Variants in PXDNL observed in about 807,000 individuals in gnomAD.
PXDNL encodes the protein peroxidasin like, also known as probable oxidoreductase PXDNL.
In PXDNL, 145 loss-of-function variants were observed where a neutral mutation model predicts 150.8. The observed-to-expected ratio is 0.96, with a 90% CI of 0.84 to 1.10. The LOEUF is 1.10. Among genes scored for constraint, PXDNL ranks in the 50% least tolerant of loss-of-function variants. PXDNL has a pLI of 0.00. For missense variants in PXDNL, 2,087 were observed against 1,873.9 expected (o/e 1.11, Z -2.10); for synonymous variants, 757 against 725.7 (o/e 1.04, Z -0.69).
At chr8:51,538,147 C>T (rs527704329) in intron 4 of PXDNL, among the ~76,000 whole-genome samples, 48 of 152,298 alleles carry the variant, frequency 3.2e-4, no homozygotes, top group African/African-American at 9.4e-4. Context: ...CTCCAGCCCT[C>T]GTATCCCTGA....
At chr8:51,526,083 G>T (rs906931816) in intron 4 of PXDNL, among the ~76,000 whole-genome samples, 4 of 152,140 alleles carry the variant, frequency 2.6e-5, no homozygotes, top group Non-Finnish European at 5.9e-5. Flanking sequence ...TCACTGAAAT[G>T]CCATCATTTT....
intron 17 of PXDNL, among the ~76,000 whole-genome samples, chr8:51,394,422 T>C (rs1015409243): frequency 6.6e-6 from 1 of 152,200 alleles, no homozygotes; most frequent in African/African-American, 2.4e-5. Flanking sequence ...ATTATAACTC[T>C]GAAGAGGAAC....
At position 51,727,114 on chromosome 8, in the gene PXDNL, C is replaced by A. The variant is rs148193034; in HGVS notation, c.165-72354G>T. Among the ~76,000 whole-genome samples, 547 of 152,162 alleles carry A rather than the reference C, an allele frequency of 3.6e-3. 5 individuals carry two copies. Among genetic ancestry groups the A allele is most frequent in the African/African-American group, 0.013 (519 of 41,488 alleles). ...ATACAAATTGGAAGAAATGTTTTGC[C>A]TCAAGAAATAAATTGTTCCTGAGAT... On this transcript the variant is annotated intron_variant, in intron 1 of 22. Transcript: ENST00000356297.
rs1418691779 is a variant in PXDNL, at chr8:51,409,533, C to T, written c.2091G>A (p.Pro697=). 6.3e-7 allele frequency: 1 copy of T among 1,599,842 alleles called. No homozygotes were observed. The highest frequency in any genetic ancestry group is 8.5e-7 in the Non-Finnish European group (1 of 1,172,880). ...AATTGGCGATGAGGCTGAGGGAGCG[C>T]GGGGACACCAAGTCATTGTACCGGA... ...KEFRYNDLVS[P]RSLSLIANLS... The change falls in exon 17 of 23, where the codon CCG becomes CCA. Residue 697 remains proline (P), a synonymous_variant. Transcript: ENST00000356297.
intron 4 of PXDNL, among the ~76,000 whole-genome samples, chr8:51,544,474 A>C (rs1047342958): frequency 6.6e-6 from 1 of 152,232 alleles, no homozygotes; most frequent in African/African-American, 2.4e-5. Flanking sequence ...TGATGCTTAA[A>C]GTAACATTTT....
intron 1 of PXDNL, among the ~76,000 whole-genome samples, chr8:51,753,743 A>G (rs1382587917): frequency 6.6e-6 from 1 of 152,254 alleles, no homozygotes; most frequent in Non-Finnish European, 1.5e-5. Flanking sequence ...AACCTTGATG[A>G]GGAAATTATA....
intron 4 of PXDNL, among the ~76,000 whole-genome samples, chr8:51,511,969 T>C (rs956171502): frequency 6.6e-6 from 1 of 152,172 alleles, no homozygotes; most frequent in Non-Finnish European, 1.5e-5. Flanking sequence ...TCAGTTGAAT[T>C]TTTAAAAGCA....
At chr8:51,722,242 G>C (rs1034879173) in intron 1 of PXDNL, 4 of 152,932 alleles carry the variant, frequency 2.6e-5, no homozygotes, top group African/African-American at 9.6e-5. Flanking sequence ...CAGGACATGC[G>C]ACAGGGATGT....
intron 1 of PXDNL, among the ~76,000 whole-genome samples, chr8:51,771,288 GCAAA>G (rs1266117654): frequency 3.3e-5 from 5 of 152,032 alleles, no homozygotes; most frequent in African/African-American, 4.8e-5. Context: ...ACAAACTTCA[GCAAA>G]CAAAGATTAC....
chr8:51,638,542 G>C (rs1814661730), intron 2 of PXDNL, among the ~76,000 whole-genome samples: 1 of 152,152 alleles, frequency 6.6e-6, no homozygotes. Flanking sequence ...AAAGGCAGGG[G>C]TTGCAATCCT....
chr8:51,755,484 G>A (rs1457418163), intron 1 of PXDNL, among the ~76,000 whole-genome samples: 2 of 151,958 alleles, frequency 1.3e-5, no homozygotes, highest in Non-Finnish European at 1.5e-5. Flanking sequence ...TAGTAGAGAT[G>A]GATTTTGCCA....
At chr8:51,628,952 C>T (rs1814428334) in intron 2 of PXDNL, among the ~76,000 whole-genome samples, 1 of 151,940 alleles carries the variant, frequency 6.6e-6, no homozygotes, top group African/African-American at 2.4e-5. Context: ...TTCAAAATAT[C>T]CAAGTTGCAA....
intron 2 of PXDNL, among the ~76,000 whole-genome samples, chr8:51,648,990 A>G (rs1814978951): frequency 6.6e-6 from 1 of 152,228 alleles, no homozygotes; most frequent in Non-Finnish European, 1.5e-5. Context: ...TCCTATTTAT[A>G]TACTTTCCTT....
chr8:51,660,221 T>G lies in PXDNL; in HGVS notation c.165-5461A>C, dbSNP rs77642258. 4.6e-3 allele frequency among the ~76,000 whole-genome samples: 694 copies of G among 152,198 alleles called. 3 individuals carry two copies. Among genetic ancestry groups the G allele is most frequent in the Non-Finnish European group, 7.8e-3 (531 of 68,024 alleles). ...TTAAGATATTAAATAGTGTGCGCAG[T>G]ACAGATGGTGCAGTCCAGTGTAAGT... On this transcript the variant is annotated intron_variant, in intron 1 of 22. Transcript: ENST00000356297.
At chr8:51,374,965 T>G (rs994856592) in intron 17 of PXDNL, among the ~76,000 whole-genome samples, 3 of 152,150 alleles carry the variant, frequency 2.0e-5, no homozygotes, top group Non-Finnish European at 2.9e-5. Flanking sequence ...ACACCAAGCC[T>G]CATGCAATGT....
chr8:51,381,695 C>A (rs994933421), intron 17 of PXDNL, among the ~76,000 whole-genome samples: 7 of 150,892 alleles, frequency 4.6e-5, no homozygotes, highest in African/African-American at 1.5e-4. Context: ...ACTCTGTCGC[C>A]CAGGCTAGAG....
chr8:51,501,063 C>A (rs1332104533), intron 4 of PXDNL, among the ~76,000 whole-genome samples: 1 of 152,158 alleles, frequency 6.6e-6, no homozygotes, highest in African/African-American at 2.4e-5. Flanking sequence ...TTGTTTCAGA[C>A]TGCCTTAGGT....
chr8:51,387,315 A>G (rs983066183), intron 17 of PXDNL, among the ~76,000 whole-genome samples: 2 of 152,208 alleles, frequency 1.3e-5, no homozygotes, highest in African/African-American at 4.8e-5. Context: ...AATGTTAACT[A>G]TGGTAATAGA....
At chr8:51,523,760 C>T (rs900980620) in intron 4 of PXDNL, among the ~76,000 whole-genome samples, 1 of 152,154 alleles carries the variant, frequency 6.6e-6, no homozygotes, top group Non-Finnish European at 1.5e-5. Context: ...CCCCTTTGTA[C>T]AGGAGGTCCC....
Sources: gnomAD v4.1 joint callset for allele counts (sites outside exome capture counted in the v4.1 genomes callset) on GRCh38, gnomAD v4.1.1 for gene constraint, MANE v1.5 for transcripts, NCBI Gene and HGNC (gene_info 2026-07-23, HGNC 2026-07-21) for gene names.